Variants in ANK3 observed in about 807,000 individuals in gnomAD.
ANK3 encodes ankyrin-3.
In ANK3, 57 loss-of-function variants were observed where a neutral mutation model predicts 370.9. The observed-to-expected ratio is 0.15, with a 90% CI of 0.12 to 0.19. The LOEUF (loss-of-function observed/expected upper bound fraction) is 0.19, where lower values mean the gene tolerates loss of function less well. Among genes scored for constraint, ANK3 ranks in the 10% least tolerant of loss-of-function variants. ANK3 has a pLI of 1.00. For synonymous variants in ANK3, 1,929 were observed against 1,946.3 expected (o/e 0.99, Z 0.23); for missense variants, 4,439 against 5,302.1 (o/e 0.84, Z 5.06).
intron 1 of ANK3, among the ~76,000 whole-genome samples, chr10:60,682,744 G>A (rs970788989): frequency 3.3e-5 from 5 of 152,192 alleles, no homozygotes; most frequent in Non-Finnish European, 5.9e-5. Context: ...GTTCCTGGAC[G>A]GTGGTGTGCC....
At chr10:60,397,040 G>C (rs1195382684) in intron 2 of ANK3, among the ~76,000 whole-genome samples, 1 of 152,094 alleles carries the variant, frequency 6.6e-6, no homozygotes, top group African/African-American at 2.4e-5. Flanking sequence ...AAGGTACAAA[G>C]GAGATTGTAT....
At chr10:60,363,754 GAACAA>G (rs757344944) in intron 1 of ANK3, among the ~76,000 whole-genome samples, 20 of 152,064 alleles carry the variant, frequency 1.3e-4, no homozygotes, top group Non-Finnish European at 1.8e-4. Context: ...ATGAATCACA[GAACAA>G]AAGAGTAAAT....
At chr10:60,535,271 C>T (rs369406375) in intron 2 of ANK3, among the ~76,000 whole-genome samples, 14 of 151,998 alleles carry the variant, frequency 9.2e-5, no homozygotes, top group African/African-American at 3.1e-4. Context: ...AACCAATATA[C>T]TATATGAGCC....
chr10:60,071,703 A>G lies in ANK3; in HGVS notation c.9178T>C (p.Ser3060Pro), dbSNP rs1228683196. Reference protein sequence around the residue: ...DSLEFSPGKESPSSDVFDHSP... With the variant: ...DSLEFSPGKEPPSSDVFDHSP... ...TGGTCGAATACATCACTAGAGGGAGATTCCTTTCCTGGGCTAAACTCTAAA... is the reference window on the plus strand; with the variant it reads ...TGGTCGAATACATCACTAGAGGGAGGTTCCTTTCCTGGGCTAAACTCTAAA... The change falls in exon 37 of 44, where the codon TCT (serine) becomes CCT (proline). Residue 3060 changes from serine to proline, a missense_variant. Ser to Pro is a moderately conservative substitution (Grantham distance 74, BLOSUM62 -1). This residue lies in a region of ANK3 where 1,601 missense variants were observed against 1,731.7 expected (regional missense o/e 0.92). Coordinates refer to ENST00000280772, the MANE Select transcript of ANK3 (RefSeq NM_020987.5). 5 of 1,597,774 alleles carry G rather than the reference A, an allele frequency of 3.1e-6. No homozygotes were observed. Among genetic ancestry groups the G allele is most frequent in the Non-Finnish European group, 4.3e-6 (5 of 1,174,276 alleles).
intron 1 of ANK3, among the ~76,000 whole-genome samples, chr10:60,378,579 AGAACGCTC>A (rs2061119767): frequency 6.6e-6 from 1 of 152,176 alleles, no homozygotes; most frequent in Admixed American, 6.5e-5. Flanking sequence ...GAAGGTGCAA[AGAACGCTC>A]ATTGGGGAAA....
chr10:60,071,218 A>G lies in ANK3; in HGVS notation c.9663T>C (p.Thr3221=). 1 of 1,614,090 alleles carries G rather than the reference A, an allele frequency of 6.2e-7. No homozygotes were observed. Among genetic ancestry groups the G allele is most frequent in the South Asian group, 1.1e-5 (1 of 91,078 alleles). ...GCTCAACTGCTGTTTCCTCCACTGT[A>G]GTCTGCTTAAGGGAGGTTGACTTGG... The part of the protein sequence containing the change: ...EQAKSTSLKQ[T]TVEETAVERE... The change falls in exon 37 of 44, where the codon ACT becomes ACC. Residue 3221 remains threonine, a synonymous_variant. Coordinates refer to ENST00000280772, the MANE Select transcript of ANK3 (RefSeq NM_020987.5).
intron 2 of ANK3, among the ~76,000 whole-genome samples, chr10:60,537,959 A>G (rs1189916491): frequency 1.3e-5 from 2 of 151,970 alleles, no homozygotes; most frequent in East Asian, 3.8e-4. Flanking sequence ...ATAAGGGAAT[A>G]CATTTAAAAT....
intron 7 of ANK3, among the ~76,000 whole-genome samples, chr10:60,238,071 T>C (rs1308678901): frequency 6.6e-6 from 1 of 152,178 alleles, no homozygotes. Context: ...GCAATCACTT[T>C]TTACTCCTGA....
intron 8 of ANK3, among the ~76,000 whole-genome samples, chr10:60,218,745 T>G (rs2096988338): frequency 6.6e-6 from 1 of 152,112 alleles, no homozygotes. Context: ...TTGGAGAGTC[T>G]GATTATTATG....
In ANK3 at chr10:60,461,135, C is replaced by T. The variant is rs370061569; in HGVS notation, c.96+154051G>A. On this transcript the variant is annotated intron_variant, in intron 2 of 43. Coordinates refer to the ANK3 transcript ENST00000373827. ...TCATATGCTCTCTCTCAGCACGTCA[C>T]ATCCTATCACAGGCTGCTCATATTT... Among the ~76,000 whole-genome samples the T allele has an allele frequency of 2.6e-5, 4 of 152,198 alleles. No individual in the cohort carries two copies. In the East Asian group the frequency reaches 5.8e-4, roughly 22 times the overall value.
At chr10:60,051,772 A>G (rs2131897552) in intron 42 of ANK3, among the ~76,000 whole-genome samples, 1 of 126,962 alleles carries the variant, frequency 7.9e-6, no homozygotes, top group East Asian at 2.6e-4. Flanking sequence ...TTCTAAGTGA[A>G]ATTACTCTGT....
intron 2 of ANK3, among the ~76,000 whole-genome samples, chr10:60,565,381 G>A (rs538998434): frequency 8.5e-5 from 13 of 152,170 alleles, no homozygotes; most frequent in South Asian, 8.3e-4. Flanking sequence ...AGCTGAGACC[G>A]TAATGTTCAC....
intron 26 of ANK3, among the ~76,000 whole-genome samples, chr10:60,110,453 C>T (rs2092620921): frequency 6.6e-6 from 1 of 152,072 alleles, no homozygotes; most frequent in Non-Finnish European, 1.5e-5. Flanking sequence ...AACATTCTAT[C>T]GATTTTGGGA....
At chr10:60,139,197 A>T (rs1427080067) in intron 23 of ANK3, 110 bp from the exon 24 acceptor site, 2 of 1,306,840 alleles carry the variant, frequency 1.5e-6, no homozygotes, top group African/African-American at 1.5e-5. Flanking sequence ...TCTCATATTC[A>T]CCTTCCCCTA....
At chr10:60,419,895 C>G (rs995862912) in intron 2 of ANK3, among the ~76,000 whole-genome samples, 1 of 152,074 alleles carries the variant, frequency 6.6e-6, no homozygotes, top group African/African-American at 2.4e-5. Context: ...CTTTTCTTTT[C>G]TCTACATATC....
Position 60,482,309 on chromosome 10 carries a change from AG to A in ANK3, c.96+132876del, listed in dbSNP as rs777233647. On this transcript the variant is annotated intron_variant, in intron 2 of 43. Coordinates refer to the ANK3 transcript ENST00000373827. Reference sequence around the variant, plus strand: ...GGGACACTGGTGTCCAGAGAAATTAAGTAAATTGCCTGAGAGCAACAAACTG... The same window carrying A: ...GGGACACTGGTGTCCAGAGAAATTAATAAATTGCCTGAGAGCAACAAACTG... 7.9e-5 allele frequency among the ~76,000 whole-genome samples: 12 copies of A among 152,304 alleles called. No individual in the cohort carries two copies. The South Asian group carries it at 1.0e-3, about 13-fold the overall frequency.
At chr10:60,110,823 G>A (rs2092654583) in intron 26 of ANK3, among the ~76,000 whole-genome samples, 1 of 152,090 alleles carries the variant, frequency 6.6e-6, no homozygotes, top group South Asian at 2.1e-4. Context: ...AACGATTCAC[G>A]ACAAACTCTG....
chr10:60,361,367 T>C (rs1194980516), intron 1 of ANK3, among the ~76,000 whole-genome samples: 1 of 152,194 alleles, frequency 6.6e-6, no homozygotes, highest in African/African-American at 2.4e-5. Context: ...TAATAGTCCT[T>C]TGATACACTA....
At chr10:60,526,423 A>G (rs1181706312) in intron 2 of ANK3, among the ~76,000 whole-genome samples, 1 of 152,136 alleles carries the variant, frequency 6.6e-6, no homozygotes, top group Non-Finnish European at 1.5e-5. Context: ...CTGCTTCTAT[A>G]CATTGGAGTC....
Sources: gnomAD v4.1 joint callset for allele counts (sites outside exome capture counted in the v4.1 genomes callset) on GRCh38, gnomAD v4.1.1 for gene constraint, gnomAD v4.1.1 regional missense constraint, MANE v1.5 for transcripts, NCBI Gene and HGNC (gene_info 2026-07-23, HGNC 2026-07-21) for gene names.